The following SPATA16 variants were observed in gnomAD, a reference collection of about 807,000 sequenced individuals.
SPATA16 encodes the protein spermatogenesis associated 16.
A neutral mutation model predicts 63.3 loss-of-function variants in SPATA16; 36 were observed. The ratio of observed to expected loss-of-function variants is 0.57; its 90% confidence interval spans 0.44 to 0.75. The LOEUF is 0.75. SPATA16 is among the 30% of genes least tolerant of loss of function. The probability of loss-of-function intolerance (pLI) is 0.00; values close to 1 mark genes in which losing one functional copy is unlikely to be tolerated. For synonymous variants in SPATA16, 203 were observed against 216.7 expected, an observed-to-expected ratio of 0.94 and a Z score of 0.56; for missense variants, 646 against 679.3, an observed-to-expected ratio of 0.95 and a Z score of 0.54.
chr3:172,940,898 G>A (rs1733132134), intron 6 of SPATA16, among the ~76,000 whole-genome samples: 1 of 152,090 alleles, frequency 6.6e-6, no homozygotes, highest in Admixed American at 6.5e-5. Context: ...CAGGAGAATT[G>A]CTTGAACCCG....
At chr3:172,913,144 G>A (rs1265261015) in intron 10 of SPATA16, among the ~76,000 whole-genome samples, 4 of 152,254 alleles carry the variant, frequency 2.6e-5, no homozygotes, top group Non-Finnish European at 5.9e-5. Flanking sequence ...CTGAGTACTT[G>A]GGTCCAGGTG....
At chr3:173,124,592 CCTTTT>C (rs1475227989) in intron 1 of SPATA16, among the ~76,000 whole-genome samples, 1 of 152,148 alleles carries the variant, frequency 6.6e-6, no homozygotes, top group Non-Finnish European at 1.5e-5. Context: ...ATGTAGCAGC[CCTTTT>C]CTTTTAAGAA....
chr3:173,113,997 C>T (rs759045803), intron 2 of SPATA16, among the ~76,000 whole-genome samples: 9 of 152,050 alleles, frequency 5.9e-5, no homozygotes, highest in South Asian at 2.1e-4. Flanking sequence ...CTGGTCAATA[C>T]GGTGAAACCC....
At chr3:172,927,647 C>CCAAGAT (rs1217772618) in intron 6 of SPATA16, among the ~76,000 whole-genome samples, 4 of 152,048 alleles carry the variant, frequency 2.6e-5, no homozygotes, top group African/African-American at 4.8e-5. Flanking sequence ...CCAAAGTTGC[C>CCAAGAT]CAAGATCACA....
In SPATA16 at chr3:173,107,455, A is replaced by ATTTT. The variant is rs35351688; in HGVS notation, c.612+9661_612+9664dup. Among the ~76,000 whole-genome samples, 1,186 of 143,348 alleles carry ATTTT rather than the reference A, an allele frequency of 8.3e-3. 24 individuals are homozygous for ATTTT. Among genetic ancestry groups the ATTTT allele is most frequent in the African/African-American group, 0.028 (1,092 of 39,464 alleles). 94.0% of individuals were successfully genotyped at this position (143,348 alleles called of 152,430 possible). ...GTGTGATGAAAATCTCTCTCTCTCT[A>ATTTT]TTTTTTTTTTTTTTTACTCCCTAAG... On this transcript the variant is annotated intron_variant, in intron 2 of 10. Transcript: ENST00000351008.
At chr3:172,947,543 A>G (rs1472595827) in intron 6 of SPATA16, among the ~76,000 whole-genome samples, 1 of 146,616 alleles carries the variant, frequency 6.8e-6, no homozygotes, top group Non-Finnish European at 1.5e-5. Context: ...TGTTTACAAT[A>G]GCAACACGGT....
chr3:172,997,661 G>C (rs566945403), intron 4 of SPATA16, among the ~76,000 whole-genome samples: 22 of 151,914 alleles, frequency 1.4e-4, no homozygotes, highest in Non-Finnish European at 2.9e-4. Context: ...CTTCAGTGTT[G>C]TATCTAAAAA....
intron 4 of SPATA16, among the ~76,000 whole-genome samples, chr3:173,006,217 A>G (rs79257728): frequency 0.012 from 1,847 of 152,312 alleles, 42 homozygotes; most frequent in African/African-American, 0.042. Context: ...TATGATATTT[A>G]GGGAACAGGA....
chr3:173,045,375 G>A (rs929555341), intron 3 of SPATA16, among the ~76,000 whole-genome samples: 48 of 152,030 alleles, frequency 3.2e-4, no homozygotes, highest in African/African-American at 1.2e-3. Context: ...TCACAGTCCT[G>A]CTCTGACCAT....
chr3:173,033,951 T>A (rs934620086), intron 3 of SPATA16, among the ~76,000 whole-genome samples: 5 of 152,274 alleles, frequency 3.3e-5, no homozygotes, highest in African/African-American at 1.2e-4. Context: ...GTGATCTGTC[T>A]GCCTCAGCCT....
At chr3:172,956,083 C>T (rs1274675587) in intron 6 of SPATA16, among the ~76,000 whole-genome samples, 1 of 151,952 alleles carries the variant, frequency 6.6e-6, no homozygotes, top group Non-Finnish European at 1.5e-5. Context: ...CCTCTTAAAC[C>T]AAAATAATGC....
chr3:173,087,225 A>C (rs1577167454), intron 2 of SPATA16, among the ~76,000 whole-genome samples: 1 of 152,182 alleles, frequency 6.6e-6, no homozygotes, highest in Non-Finnish European at 1.5e-5. Flanking sequence ...AGGTGCATAT[A>C]TATTTAGGAT....
At position 173,117,727 on chromosome 3, in the gene SPATA16, T is replaced by A; in HGVS notation, c.5A>T (p.Asp2Val). 3.7e-6 allele frequency: 6 copies of A among 1,614,102 alleles called. No individual in the cohort carries two copies. Among genetic ancestry groups the A allele is most frequent in the Non-Finnish European group, 5.1e-6 (6 of 1,179,980 alleles). The change falls in exon 2 of 11, where the codon GAT becomes GTT. Residue 2 changes from aspartate to valine, a missense_variant. By Grantham distance (152) the Asp-to-Val change is radical. Transcript: ENST00000351008. ...CTCCAAACTCCTACTGCTTCCTGCA[T>A]CCATCGATCCTGCCCAAAACTCCTG... is the stretch of plus-strand genomic sequence containing the variant. M[D>V]AGSSRSLENA...
chr3:172,968,270 G>T (rs1733965385), intron 5 of SPATA16, among the ~76,000 whole-genome samples: 1 of 152,210 alleles, frequency 6.6e-6, no homozygotes, highest in Non-Finnish European at 1.5e-5. Context: ...GTATGATCTG[G>T]ATGCCTGACA....
At chr3:172,999,886 T>C (rs561724376) in intron 4 of SPATA16, among the ~76,000 whole-genome samples, 38 of 152,350 alleles carry the variant, frequency 2.5e-4, no homozygotes, top group Non-Finnish European at 4.9e-4. Context: ...TCATATCTTA[T>C]ATTTAGTTTC....
intron 5 of SPATA16, among the ~76,000 whole-genome samples, chr3:172,970,951 A>G (rs1224553057): frequency 6.6e-6 from 1 of 152,200 alleles, no homozygotes; most frequent in Non-Finnish European, 1.5e-5. Context: ...ATTTTGCACT[A>G]TCAAGAAGAA....
At chr3:173,062,778 A>G (rs1305824553) in intron 2 of SPATA16, among the ~76,000 whole-genome samples, 1 of 152,140 alleles carries the variant, frequency 6.6e-6, no homozygotes, top group African/African-American at 2.4e-5. Flanking sequence ...TTTTCCACGG[A>G]CAGGTTGGAG....
intron 1 of SPATA16, among the ~76,000 whole-genome samples, chr3:173,128,648 C>T (rs528151239): frequency 4.6e-5 from 7 of 152,238 alleles, no homozygotes; most frequent in South Asian, 2.1e-4. Flanking sequence ...CAACTCCCAC[C>T]GCTTGAATTG....
intron 8 of SPATA16, 29 bp downstream of exon 8, chr3:172,924,179 G>A (rs1481616481): frequency 6.6e-7 from 1 of 1,505,522 alleles, no homozygotes; most frequent in Admixed American, 1.7e-5. Context: ...TTTGTACATT[G>A]GACAAATATA....
Sources: gnomAD v4.1 joint callset for allele counts (sites outside exome capture counted in the v4.1 genomes callset) on GRCh38, gnomAD v4.1.1 for gene constraint, MANE v1.5 for transcripts, NCBI Gene and HGNC (gene_info 2026-07-23, HGNC 2026-07-21) for gene names.